GPC6: variants seen among roughly 807,000 people sequenced by gnomAD.
The protein encoded by GPC6 is glypican 6, also known as glypican-6.
A neutral mutation model predicts 55.2 loss-of-function variants in GPC6; 14 were observed. The observed-to-expected ratio is 0.25, with a 90% CI of 0.17 to 0.40. GPC6 has a LOEUF of 0.40. Among genes scored for constraint, GPC6 ranks in the 10% least tolerant of loss-of-function variants. GPC6 has a pLI of 1.00. For missense variants in GPC6, 641 were observed against 708.5 expected (o/e 0.90, Z 1.08); for synonymous variants, 278 against 259.6 (o/e 1.07, Z -0.68).
intron 2 of GPC6, among the ~76,000 whole-genome samples, chr13:93,825,481 A>G (rs1395080144): frequency 6.6e-6 from 1 of 152,148 alleles, no homozygotes; most frequent in African/African-American, 2.4e-5. Flanking sequence ...TCTTTACTCT[A>G]CTTACTTTCA....
At chr13:94,316,824 T>C (rs1468750567) in intron 6 of GPC6, among the ~76,000 whole-genome samples, 6 of 152,230 alleles carry the variant, frequency 3.9e-5, no homozygotes, top group Non-Finnish European at 8.8e-5. Context: ...TATTGCACAT[T>C]GTGAGAGCTG....
chr13:93,378,763 C>T (rs149256522), intron 1 of GPC6, among the ~76,000 whole-genome samples: 40 of 152,112 alleles, frequency 2.6e-4, no homozygotes, highest in African/African-American at 9.6e-4. Context: ...TGGGAGGCCG[C>T]AGCGGGTGGA....
intron 2 of GPC6, among the ~76,000 whole-genome samples, chr13:93,686,006 A>G (rs1882034346): frequency 6.6e-6 from 1 of 152,118 alleles, no homozygotes; most frequent in Non-Finnish European, 1.5e-5. Flanking sequence ...TCACACAACA[A>G]CTCAAAAACT....
Position 93,453,536 on chromosome 13 carries a change from G to A in GPC6, c.161-91727G>A, listed in dbSNP as rs554007584. Among the ~76,000 whole-genome samples, 54 of 91,706 alleles carry A rather than the reference G, an allele frequency of 5.9e-4. 2 individuals carry two copies. Among genetic ancestry groups the A allele is most frequent in the Admixed American group, 4.1e-3 (43 of 10,380 alleles). The allele number at this position is 91,706 out of a possible 152,430, so 60.2% of individuals were successfully genotyped here. ...TCTCACTGACTTCAAGAATGAAGCC[G>A]CGGACCCTCGCAGTGAGTGTTACAA... is the stretch of plus-strand genomic sequence containing the variant. On this transcript the variant is annotated intron_variant, in intron 1 of 8. Transcript: ENST00000377047.
At chr13:94,354,054 T>C (rs1453134181) in intron 6 of GPC6, among the ~76,000 whole-genome samples, 1 of 152,240 alleles carries the variant, frequency 6.6e-6, no homozygotes, top group Non-Finnish European at 1.5e-5. Flanking sequence ...CTACATGTGC[T>C]TGATAAAGAC....
chr13:93,939,363 G>A (rs930872956), intron 3 of GPC6, among the ~76,000 whole-genome samples: 3 of 150,798 alleles, frequency 2.0e-5, no homozygotes, highest in African/African-American at 7.3e-5. Context: ...AGCTTGCAGT[G>A]AGCCGAGATG....
intron 3 of GPC6, among the ~76,000 whole-genome samples, chr13:93,903,672 A>G (rs574236715): frequency 2.4e-4 from 37 of 152,276 alleles, no homozygotes; most frequent in Admixed American, 3.9e-4. Context: ...AATACAAACA[A>G]TATGTTGTGG....
chr13:93,475,851 G>A (rs1879283290), intron 1 of GPC6, among the ~76,000 whole-genome samples: 1 of 152,078 alleles, frequency 6.6e-6, no homozygotes, highest in African/African-American at 2.4e-5. Flanking sequence ...AAAATGCAGT[G>A]TTTCTTATCA....
chr13:94,038,420 G>A lies in GPC6; in HGVS notation c.877+10526G>A, dbSNP rs184579339. ...AATAAAAACCACATAACCTGGACCT[G>A]AGATCTGAGAAATTATCATTTTCCA... On this transcript the variant is annotated intron_variant, in intron 4 of 8. Coordinates refer to ENST00000377047, the MANE Select transcript of GPC6 (RefSeq NM_005708.5). 3.1e-3 allele frequency among the ~76,000 whole-genome samples: 467 copies of A among 151,974 alleles called. 1 individual carries two copies. Among genetic ancestry groups the A allele is most frequent in the South Asian group, 8.9e-3 (43 of 4,824 alleles).
chr13:94,359,303 A>T (rs186513167), intron 6 of GPC6, among the ~76,000 whole-genome samples: 11 of 152,370 alleles, frequency 7.2e-5, no homozygotes, highest in Admixed American at 5.2e-4. Flanking sequence ...TCCTTTAATT[A>T]TACTAAAAAG....
chr13:94,365,913 A>C (rs1243346296), intron 6 of GPC6, among the ~76,000 whole-genome samples: 1 of 152,200 alleles, frequency 6.6e-6, no homozygotes, highest in Non-Finnish European at 1.5e-5. Context: ...AAGCCACCAA[A>C]CTGTTGGAAT....
chr13:93,918,094 C>CAA (rs5805834), intron 3 of GPC6, among the ~76,000 whole-genome samples: 1 of 138,880 alleles, frequency 7.2e-6, no homozygotes, highest in Non-Finnish European at 1.6e-5. Flanking sequence ...GAGACTCCGT[C>CAA]AAAAAAAAAA....
chr13:93,614,247 A>G (rs1386414953), intron 2 of GPC6, among the ~76,000 whole-genome samples: 1 of 152,226 alleles, frequency 6.6e-6, no homozygotes, highest in Non-Finnish European at 1.5e-5. Flanking sequence ...CTAAATGACA[A>G]TACGCTAGGC....
At chr13:94,055,073 C>T (rs115508530) in intron 4 of GPC6, among the ~76,000 whole-genome samples, 80 of 152,284 alleles carry the variant, frequency 5.3e-4, no homozygotes, top group African/African-American at 1.7e-3. Context: ...GCTTTATTCT[C>T]GTCCTGTGTT....
At chr13:94,241,757 C>T (rs1298973144) in intron 4 of GPC6, among the ~76,000 whole-genome samples, 9 of 152,132 alleles carry the variant, frequency 5.9e-5, no homozygotes, top group South Asian at 2.1e-4. Context: ...TTTTAGATCC[C>T]TTCTCAGTGT....
chr13:94,042,540 T>C (rs148734004), intron 4 of GPC6, among the ~76,000 whole-genome samples: 1 of 152,002 alleles, frequency 6.6e-6, no homozygotes, highest in African/African-American at 2.4e-5. Flanking sequence ...TCTGTGACAC[T>C]TTCTCCACTT....
intron 3 of GPC6, among the ~76,000 whole-genome samples, chr13:93,864,589 G>C (rs1342916594): frequency 5.3e-5 from 8 of 151,842 alleles, no homozygotes; most frequent in Middle Eastern, 3.4e-3. Context: ...TAACAGGGCA[G>C]TAATAAAAGC....
intron 1 of GPC6, among the ~76,000 whole-genome samples, chr13:93,319,343 AG>A (rs1879350735): frequency 6.6e-6 from 1 of 152,202 alleles, no homozygotes; most frequent in Admixed American, 6.6e-5. Context: ...ATAGGCCACA[AG>A]AAGGGGAAAA....
At chr13:94,107,008 G>A (rs1258348004) in intron 4 of GPC6, among the ~76,000 whole-genome samples, 1 of 152,092 alleles carries the variant, frequency 6.6e-6, no homozygotes, top group Non-Finnish European at 1.5e-5. Context: ...ATGTTCAGCC[G>A]GACTAAGGGT....
Sources: allele counts gnomAD v4.1 joint callset (sites outside exome capture counted in the v4.1 genomes callset), GRCh38; gene constraint gnomAD v4.1.1; transcripts MANE v1.5; gene names NCBI Gene and HGNC (gene_info 2026-07-23, HGNC 2026-07-21).